The following XKR9 variants were observed in gnomAD, a reference collection of about 807,000 sequenced individuals.
XKR9 encodes XK related 9.
XKR9 carries 32 observed loss-of-function variants against 32.0 expected under a neutral mutation model. That is an observed-to-expected ratio of 1.00 (90% CI 0.76 to 1.34). The LOEUF is 1.34. Among genes scored for constraint, XKR9 ranks in the 40% most tolerant of loss-of-function variants. The pLI, the probability that XKR9 is intolerant of heterozygous loss-of-function variation, is 0.00. For synonymous variants in XKR9, 168 were observed against 143.4 expected (o/e 1.17, Z -1.22); for missense variants, 546 against 429.7 (o/e 1.27, Z -2.39).
At chr8:70,697,269 A>T (rs1043805973) in intron 3 of XKR9, among the ~76,000 whole-genome samples, 1 of 151,722 alleles carries the variant, frequency 6.6e-6, no homozygotes, top group African/African-American at 2.4e-5. Flanking sequence ...GCCAGTTTTC[A>T]AAGGGAATGC....
At chr8:70,881,715 C>T in the XKR9 span, among the ~76,000 whole-genome samples, 2 of 152,134 alleles carry the variant, frequency 1.3e-5, no homozygotes, top group South Asian at 2.1e-4. Flanking sequence ...GGCTTTTCCT[C>T]GAGGATATAG....
At chr8:71,001,695 A>G in the XKR9 span, among the ~76,000 whole-genome samples, 1 of 152,208 alleles carries the variant, frequency 6.6e-6, no homozygotes, top group African/African-American at 2.4e-5. Context: ...AGGATACAGC[A>G]CTGAATAAGG....
the XKR9 span, among the ~76,000 whole-genome samples, chr8:71,043,036 T>C: frequency 6.6e-5 from 10 of 152,206 alleles, no homozygotes; most frequent in African/African-American, 2.4e-4. Context: ...AGCAGCTGTT[T>C]AGAGCAAGAA....
At chr8:70,873,039 A>G in the XKR9 span, among the ~76,000 whole-genome samples, 1 of 152,134 alleles carries the variant, frequency 6.6e-6, no homozygotes, top group Non-Finnish European at 1.5e-5. Flanking sequence ...TGCTGAATTG[A>G]CTCTGCCTGT....
At chr8:70,872,078 C>G in the XKR9 span, among the ~76,000 whole-genome samples, 1 of 152,114 alleles carries the variant, frequency 6.6e-6, no homozygotes, top group Admixed American at 6.6e-5. Flanking sequence ...TGCCAAACAG[C>G]CAAATTGTGA....
the XKR9 span, among the ~76,000 whole-genome samples, chr8:70,971,664 C>T: frequency 6.6e-6 from 1 of 152,168 alleles, no homozygotes; most frequent in Non-Finnish European, 1.5e-5. Context: ...GATCCAGTTT[C>T]ATTCTTCTAC....
At chr8:70,764,306 A>C (rs776058331) in intron 2 of XKR9, among the ~76,000 whole-genome samples, 1 of 152,134 alleles carries the variant, frequency 6.6e-6, no homozygotes, top group Non-Finnish European at 1.5e-5. Flanking sequence ...TGGAGTCCCA[A>C]AGGGCCAAAA....
intron 4 of XKR9, among the ~76,000 whole-genome samples, chr8:70,710,161 G>A (rs1053576837): frequency 2.0e-5 from 3 of 152,036 alleles, no homozygotes; most frequent in Admixed American, 1.3e-4. Flanking sequence ...TCTGATCTTC[G>A]ACAGAGTCGA....
At chr8:70,698,679 G>C (rs1411899076) in intron 3 of XKR9, among the ~76,000 whole-genome samples, 2 of 152,100 alleles carry the variant, frequency 1.3e-5, no homozygotes, top group Non-Finnish European at 2.9e-5. Context: ...GGGGTGGAGA[G>C]TTCTGTAGAT....
chr8:71,051,595 G>T, the XKR9 span, among the ~76,000 whole-genome samples: 2 of 151,748 alleles, frequency 1.3e-5, no homozygotes, highest in African/African-American at 4.8e-5. Context: ...TGGCCCATAT[G>T]GTTTATTGTT....
chr8:70,702,677 T>A (rs1805580273), intron 3 of XKR9, among the ~76,000 whole-genome samples: 1 of 152,210 alleles, frequency 6.6e-6, no homozygotes, highest in Admixed American at 6.5e-5. Flanking sequence ...GACATGTTGA[T>A]CCTCTTTATC....
chr8:70,726,991 A>C (rs895496763), intron 4 of XKR9, among the ~76,000 whole-genome samples: 2 of 152,132 alleles, frequency 1.3e-5, no homozygotes, highest in Non-Finnish European at 2.9e-5. Flanking sequence ...GTTTCCTTAA[A>C]AAAATCTGTT....
chr8:70,904,275 G>T, the XKR9 span, among the ~76,000 whole-genome samples: 1 of 152,058 alleles, frequency 6.6e-6, no homozygotes, highest in African/African-American at 2.4e-5. Context: ...GTTTCTAAGG[G>T]CTTGCTTTAT....
the XKR9 span, among the ~76,000 whole-genome samples, chr8:70,823,994 G>T: frequency 2.0e-3 from 301 of 152,262 alleles, 1 homozygote; most frequent in African/African-American, 6.9e-3. Context: ...TTGTGTTGGG[G>T]TTGTGAATCA....
intron 4 of XKR9, among the ~76,000 whole-genome samples, chr8:70,727,198 C>T (rs964683606): frequency 1.3e-5 from 2 of 151,920 alleles, no homozygotes; most frequent in Non-Finnish European, 2.9e-5. Context: ...TTCCATTTTC[C>T]ATGAACTTCT....
the XKR9 span, among the ~76,000 whole-genome samples, chr8:70,848,552 C>T: frequency 6.6e-6 from 1 of 151,888 alleles, no homozygotes; most frequent in Non-Finnish European, 1.5e-5. Flanking sequence ...CCTAAAGACA[C>T]TACTGAAAAA....
At chr8:70,697,736 G>T (rs370769790) in intron 3 of XKR9, among the ~76,000 whole-genome samples, 20 of 151,758 alleles carry the variant, frequency 1.3e-4, no homozygotes, top group Admixed American at 3.3e-4. Context: ...TTTCTATTGA[G>T]TGGAATAGTT....
intron 1 of XKR9, among the ~76,000 whole-genome samples, chr8:70,671,339 T>TAG (rs1235823084): frequency 1.0e-4 from 6 of 57,144 alleles, no homozygotes; most frequent in East Asian, 2.2e-4. Context: ...ATTTTTTTTT[T>TAG]TTTTTTATTA....
At chr8:70,920,962 C>T in the XKR9 span, among the ~76,000 whole-genome samples, 1 of 152,260 alleles carries the variant, frequency 6.6e-6, no homozygotes. Flanking sequence ...CACATCACCT[C>T]GCAGAGTTCT....
Sources: allele counts gnomAD v4.1 joint callset (sites outside exome capture counted in the v4.1 genomes callset), GRCh38; gene constraint gnomAD v4.1.1; transcripts MANE v1.5; gene names NCBI Gene and HGNC (gene_info 2026-07-23, HGNC 2026-07-21).